ASIC2: variants seen among roughly 807,000 people sequenced by gnomAD.
The protein encoded by ASIC2 is acid-sensing ion channel 2.
A neutral mutation model predicts 57.3 loss-of-function variants in ASIC2; 25 were observed. That is an observed-to-expected ratio of 0.44 (90% CI 0.32 to 0.61). ASIC2 has a LOEUF of 0.61. ASIC2 is among the 20% of genes least tolerant of loss of function. The probability of loss-of-function intolerance (pLI) is 0.06; values close to 1 mark genes in which losing one functional copy is unlikely to be tolerated. For missense variants in ASIC2, 641 were observed against 738.1 expected (o/e 0.87, Z 1.52); for synonymous variants, 319 against 307.5 (o/e 1.04, Z -0.39).
rs775528833 is a variant in ASIC2 at position 33,014,055 on chromosome 17, G to A, written c.1602C>T (p.Asp534=). The change falls in exon 10 of 10, where the codon GAC becomes GAT. Residue 534 remains aspartate, a synonymous_variant. Coordinates refer to ENST00000225823, the MANE Select transcript of ASIC2 (RefSeq NM_183377.2). ...GSHDENVSTC[D]TMPNHSETIS... ...TGGTTTCAGAGTGGTTTGGCATTGT[G>A]TCACAAGTACTCTGGAAGGGAAGGG... 3 of 1,599,040 alleles carry A rather than the reference G, an allele frequency of 1.9e-6. No individual in the cohort carries two copies. Among genetic ancestry groups the A allele is most frequent in the South Asian group, 2.3e-5 (2 of 88,344 alleles).
intron 1 of ASIC2, among the ~76,000 whole-genome samples, chr17:33,635,950 TG>T (rs1448792904): frequency 6.6e-6 from 1 of 152,202 alleles, no homozygotes; most frequent in African/African-American, 2.4e-5. Flanking sequence ...ATAAACAGAA[TG>T]GAGCCCATGC....
At chr17:33,728,886 T>C (rs1033439020) in intron 1 of ASIC2, among the ~76,000 whole-genome samples, 2 of 152,108 alleles carry the variant, frequency 1.3e-5, no homozygotes, top group African/African-American at 4.8e-5. Context: ...ATCCAAATTG[T>C]TAATGACTGC....
At chr17:33,149,030 G>A (rs544424050) in intron 1 of ASIC2, among the ~76,000 whole-genome samples, 1 of 152,236 alleles carries the variant, frequency 6.6e-6, no homozygotes, top group East Asian at 1.9e-4. Context: ...GGAGGTGGAG[G>A]TTGCAGTGAG....
intron 1 of ASIC2, among the ~76,000 whole-genome samples, chr17:33,911,658 A>T (rs75482808): frequency 6.6e-6 from 1 of 152,214 alleles, no homozygotes; most frequent in East Asian, 1.9e-4. Context: ...AACTTGGAAC[A>T]TATATTGGGA....
Position 34,156,223 on chromosome 17 carries a change from T to C in ASIC2, c.310A>G (p.Thr104Ala). ...TCCCCAGCATGGTACAGGTCATTGG[T>C]GGTGAGCCTGGAGAACCGGAAGCCA... Residue 104 changes from threonine (T) to alanine (A), a missense_variant, in exon 1 of 10, where the codon ACC becomes GCC. Coordinates refer to the ASIC2 transcript ENST00000359872. The surrounding 1 kb of genome is among the most constrained non-coding windows in gnomAD (Gnocchi z 4.4). The C allele has an allele frequency of 2.5e-6, 4 of 1,614,068 alleles. No individual in the cohort carries two copies. The highest frequency in any genetic ancestry group is 2.5e-6 in the Non-Finnish European group (3 of 1,180,000).
rs555417803 is a variant in ASIC2, at chr17:33,347,964, T to A, written c.556-235897A>T. The stretch of plus-strand genomic sequence containing the variant: ...TAAAAATACAAAAGTTAGCCAGGCA[T>A]GGTGGTGCACACCTGTAGTCCCAGC... On this transcript the variant is annotated intron_variant, in intron 1 of 9. Transcript: ENST00000359872. Among the ~76,000 whole-genome samples, 5 of 152,276 alleles carry A rather than the reference T, an allele frequency of 3.3e-5. No individual in the cohort carries two copies. In the South Asian group the frequency reaches 1.0e-3, roughly 32 times the overall value.
At chr17:33,381,567 G>T (rs1909489847) in intron 1 of ASIC2, among the ~76,000 whole-genome samples, 1 of 150,150 alleles carries the variant, frequency 6.7e-6, no homozygotes. Context: ...AGCAGTATGT[G>T]CCCCGGGGGG....
intron 1 of ASIC2, among the ~76,000 whole-genome samples, chr17:33,719,565 C>T (rs1402376197): frequency 6.6e-6 from 1 of 152,200 alleles, no homozygotes; most frequent in Non-Finnish European, 1.5e-5. Context: ...GAAACATTGT[C>T]ATAATAGATA....
intron 1 of ASIC2, among the ~76,000 whole-genome samples, chr17:34,099,358 G>A (rs1910718698): frequency 7.4e-6 from 1 of 135,432 alleles, no homozygotes; most frequent in Non-Finnish European, 1.5e-5. Flanking sequence ...GAGGAAAGAA[G>A]GAAGGAAGGA....
At position 33,503,497 on chromosome 17, in the gene ASIC2, C is replaced by T. The variant is rs1025160000; in HGVS notation, c.556-391430G>A. 2.0e-5 allele frequency among the ~76,000 whole-genome samples: 3 copies of T among 152,110 alleles called. No individual in the cohort carries two copies. The East Asian group carries it at 5.8e-4, about 29-fold the overall frequency. ...CCAGGAAAATTAACCAGGATATTGGCTCACCTCACTCCAGTAACAAAGGCA... is the reference window on the plus strand; with the variant it reads ...CCAGGAAAATTAACCAGGATATTGGTTCACCTCACTCCAGTAACAAAGGCA... On this transcript the variant is annotated intron_variant, in intron 1 of 9. Transcript: ENST00000359872.
chr17:33,254,008 G>A (rs1597652460), intron 1 of ASIC2, among the ~76,000 whole-genome samples: 1 of 152,108 alleles, frequency 6.6e-6, no homozygotes, highest in East Asian at 1.9e-4. Context: ...AGGTCACAGG[G>A]GACAGCTGTA....
At chr17:33,232,990 T>C (rs188275613) in intron 1 of ASIC2, among the ~76,000 whole-genome samples, 1 of 152,168 alleles carries the variant, frequency 6.6e-6, no homozygotes, top group East Asian at 1.9e-4. Context: ...GTGAGGCCTG[T>C]CTTTCACTTG....
chr17:33,216,631 G>A (rs1907497867), intron 1 of ASIC2, among the ~76,000 whole-genome samples: 1 of 152,244 alleles, frequency 6.6e-6, no homozygotes, highest in African/African-American at 2.4e-5. Flanking sequence ...GTGTGGCCTG[G>A]CATGAGGGTG....
At chr17:33,756,991 C>A (rs1910624360) in intron 1 of ASIC2, among the ~76,000 whole-genome samples, 1 of 152,228 alleles carries the variant, frequency 6.6e-6, no homozygotes, top group Non-Finnish European at 1.5e-5. Context: ...TTGCCTCTTC[C>A]AGCTTTGGTG....
intron 1 of ASIC2, among the ~76,000 whole-genome samples, chr17:33,638,978 C>T (rs981173608): frequency 2.6e-5 from 4 of 151,998 alleles, no homozygotes; most frequent in Non-Finnish European, 5.9e-5. Flanking sequence ...GGCCAGATAA[C>T]ACACCCTTTA....
chr17:34,136,322 G>T (rs2142132813), intron 1 of ASIC2, among the ~76,000 whole-genome samples: 1 of 152,282 alleles, frequency 6.6e-6, no homozygotes. Flanking sequence ...ATTCTGTAGA[G>T]AATCCCTTTC....
chr17:33,313,926 T>C (rs1037107797), intron 1 of ASIC2, among the ~76,000 whole-genome samples: 4 of 151,948 alleles, frequency 2.6e-5, no homozygotes, highest in Non-Finnish European at 5.9e-5. Flanking sequence ...TAGGGACAGA[T>C]GTCATTGGTG....
intron 1 of ASIC2, among the ~76,000 whole-genome samples, chr17:33,438,957 C>T (rs1252210459): frequency 6.6e-6 from 1 of 151,738 alleles, no homozygotes; most frequent in South Asian, 2.1e-4. Flanking sequence ...AATCCTCCCA[C>T]ATCAGCCTCC....
At chr17:33,991,918 T>G (rs1414964089) in intron 1 of ASIC2, among the ~76,000 whole-genome samples, 2 of 152,176 alleles carry the variant, frequency 1.3e-5, no homozygotes, top group East Asian at 3.9e-4. Flanking sequence ...TCAAAGCAAA[T>G]GAACTGGTGT....
Sources: gnomAD v4.1 joint callset for allele counts (sites outside exome capture counted in the v4.1 genomes callset) on GRCh38, gnomAD v4.1.1 for gene constraint, Gnocchi (gnomAD v3.1) non-coding constraint, MANE v1.5 for transcripts, NCBI Gene and HGNC (gene_info 2026-07-23, HGNC 2026-07-21) for gene names.